LAMA2: variants seen among roughly 807,000 people sequenced by gnomAD.
The protein encoded by LAMA2 is laminin subunit alpha-2.
LAMA2 carries 269 observed loss-of-function variants against 364.8 expected under a neutral mutation model. That is an observed-to-expected ratio of 0.74 (90% confidence interval 0.67 to 0.82). The LOEUF is 0.82. Ranked by LOEUF, LAMA2 falls within the 40% of genes least tolerant of loss-of-function variation. The pLI is 0.00. For synonymous variants in LAMA2, 1,379 were observed against 1,370.6 expected (o/e 1.01, Z -0.14); for missense variants, 3,807 against 3,873.2 (o/e 0.98, Z 0.45).
chr6:128,909,176 A>G (rs1008041778), intron 1 of LAMA2, among the ~76,000 whole-genome samples: 37 of 151,852 alleles, frequency 2.4e-4, no homozygotes, highest in Non-Finnish European at 4.9e-4. Flanking sequence ...GCTGAGTTCA[A>G]TTCCTGGGTA....
At chr6:129,075,019 G>A (rs1773538904) in intron 3 of LAMA2, among the ~76,000 whole-genome samples, 1 of 152,114 alleles carries the variant, frequency 6.6e-6, no homozygotes, top group Admixed American at 6.5e-5. Context: ...AAGGAGACAG[G>A]AGTCCTTGCA....
At chr6:129,139,923 A>G (rs1362969067) in intron 4 of LAMA2, among the ~76,000 whole-genome samples, 1 of 152,118 alleles carries the variant, frequency 6.6e-6, no homozygotes, top group Non-Finnish European at 1.5e-5. Context: ...GAGAGAGCAT[A>G]CCACACATCA....
chr6:129,324,374 C>T (rs557166630), intron 28 of LAMA2, among the ~76,000 whole-genome samples: 117 of 152,252 alleles, frequency 7.7e-4, no homozygotes, highest in Middle Eastern at 3.4e-3. Context: ...ACAGTTACAC[C>T]AACATCATCG....
At chr6:129,404,064 G>T in intron 40 of LAMA2, 105 bp downstream of exon 40, 1 of 1,329,072 alleles carries the variant, frequency 7.5e-7, no homozygotes, top group Non-Finnish European at 1.1e-6. Context: ...TATTTGTTTT[G>T]GGTTATTTTT....
At chr6:129,152,401 T>A (rs1473766336) in intron 7 of LAMA2, among the ~76,000 whole-genome samples, 2 of 152,312 alleles carry the variant, frequency 1.3e-5, no homozygotes, top group East Asian at 1.9e-4. Flanking sequence ...GGAGGGGAAT[T>A]TTTTAAGCGA....
chr6:129,325,188 T>C (rs1775199609), intron 28 of LAMA2, among the ~76,000 whole-genome samples: 1 of 152,114 alleles, frequency 6.6e-6, no homozygotes, highest in African/African-American at 2.4e-5. Context: ...AACAATATAT[T>C]ATGAAAATAA....
At chr6:129,043,916 G>T (rs1258249730) in intron 1 of LAMA2, among the ~76,000 whole-genome samples, 1 of 152,144 alleles carries the variant, frequency 6.6e-6, no homozygotes, top group Non-Finnish European at 1.5e-5. Flanking sequence ...ACTAGGGCAG[G>T]TGTAGGTCTG....
chr6:129,042,147 A>T (rs960653057), intron 1 of LAMA2, among the ~76,000 whole-genome samples: 46 of 152,124 alleles, frequency 3.0e-4, no homozygotes, highest in African/African-American at 9.6e-4. Context: ...TCTACTAAAA[A>T]TACAAAAATT....
chr6:129,321,093 A>G (rs1774937328), intron 28 of LAMA2, among the ~76,000 whole-genome samples: 1 of 152,192 alleles, frequency 6.6e-6, no homozygotes, highest in Admixed American at 6.5e-5. Context: ...TCAGGGAAAC[A>G]TATCTTTGTT....
Position 129,147,066 on chromosome 6 carries a change from A to C in LAMA2, c.909+18A>C. ...CGACAAATGTATGTATATTTATAGGATGCTTAGGCAAAATGAAGCCCTGAG... is the reference window on the plus strand; with the variant it reads ...CGACAAATGTATGTATATTTATAGGCTGCTTAGGCAAAATGAAGCCCTGAG... On this transcript the variant is annotated intron_variant, in intron 6 of 64. Coordinates refer to ENST00000421865, the MANE Select transcript of LAMA2 (RefSeq NM_000426.4). 6.7e-7 allele frequency: 1 copy of C among 1,495,980 alleles called. No individual in the cohort carries two copies. The highest frequency in any genetic ancestry group is 1.1e-5 in the South Asian group (1 of 88,816). The allele number at this position is 1,495,980 out of a possible 1,614,324, so 92.7% of individuals were successfully genotyped here.
intron 61 of LAMA2, among the ~76,000 whole-genome samples, chr6:129,506,731 A>T (rs1471238175): frequency 6.6e-6 from 1 of 152,088 alleles, no homozygotes; most frequent in Admixed American, 6.6e-5. Context: ...AGATTTGTTC[A>T]TTCATCAAAG....
chr6:128,966,021 A>C (rs1781820411), intron 1 of LAMA2, among the ~76,000 whole-genome samples: 1 of 141,778 alleles, frequency 7.1e-6, no homozygotes, highest in East Asian at 1.9e-4. Flanking sequence ...ACTATTCTAA[A>C]ACACTTTTTA....
At chr6:129,465,093 CAT>C in intron 50 of LAMA2, 50 bp from the exon 51 acceptor site, 21 of 1,433,028 alleles carry the variant, frequency 1.5e-5, no homozygotes, top group Non-Finnish European at 2.1e-5. Context: ...AGTGAACACT[CAT>C]ATACTTCTCT....
At chr6:129,459,001 A>G (rs41369446) in intron 48 of LAMA2, among the ~76,000 whole-genome samples, 24,886 of 152,074 alleles carry the variant, frequency 0.16, 2,196 homozygotes, top group East Asian at 0.21. Context: ...CCAGAATATA[A>G]TACAGTCATG....
At chr6:129,438,239 A>G (rs1187670691) in intron 41 of LAMA2, among the ~76,000 whole-genome samples, 1 of 151,870 alleles carries the variant, frequency 6.6e-6, no homozygotes, top group Non-Finnish European at 1.5e-5. Flanking sequence ...CATATCTGAG[A>G]TTTTGAAAAT....
intron 1 of LAMA2, among the ~76,000 whole-genome samples, chr6:128,951,584 G>T (rs1406164718): frequency 1.3e-5 from 2 of 152,126 alleles, no homozygotes; most frequent in Non-Finnish European, 2.9e-5. Flanking sequence ...GAGTTACAAA[G>T]TAATCTATAG....
At chr6:129,189,668 C>G (rs1050433271) in intron 10 of LAMA2, among the ~76,000 whole-genome samples, 6 of 152,118 alleles carry the variant, frequency 3.9e-5, no homozygotes, top group African/African-American at 1.4e-4. Context: ...ACCCCAGTTT[C>G]TCTACCTGTC....
intron 35 of LAMA2, among the ~76,000 whole-genome samples, chr6:129,389,963 CACATTGGGAATT>C (rs1779230324): frequency 6.6e-6 from 1 of 152,134 alleles, no homozygotes; most frequent in South Asian, 2.1e-4. Context: ...CAAATACCAT[CACATTGGGAATT>C]AGGTTTCAAC....
At chr6:129,202,293 A>T (rs1782353388) in intron 12 of LAMA2, among the ~76,000 whole-genome samples, 1 of 152,024 alleles carries the variant, frequency 6.6e-6, no homozygotes, top group Non-Finnish European at 1.5e-5. Context: ...GCTATGGTCC[A>T]AATGTTGGTG....
Sources: allele counts gnomAD v4.1 joint callset (sites outside exome capture counted in the v4.1 genomes callset), GRCh38; gene constraint gnomAD v4.1.1; transcripts MANE v1.5; gene names NCBI Gene and HGNC (gene_info 2026-07-23, HGNC 2026-07-21).